RPGRIP1L: variants seen among roughly 807,000 people sequenced by gnomAD.
RPGRIP1L encodes protein fantom.
Under a neutral mutation model 160.4 loss-of-function variants are expected in RPGRIP1L, and 131 were observed. That is an observed-to-expected ratio of 0.82 (90% CI 0.71 to 0.94). RPGRIP1L has a LOEUF of 0.94. Among genes scored for constraint, RPGRIP1L ranks in the 40% least tolerant of loss-of-function variants. RPGRIP1L has a pLI of 0.00. For synonymous variants in RPGRIP1L, 510 were observed against 515.8 expected (o/e 0.99, Z 0.15); for missense variants, 1,522 against 1,535.8 (o/e 0.99, Z 0.15).
chr16:53,639,444 A>G (rs1258491448), intron 19 of RPGRIP1L, among the ~76,000 whole-genome samples: 1 of 152,116 alleles, frequency 6.6e-6, no homozygotes, highest in Admixed American at 6.5e-5. Context: ...TTAGAAAAAC[A>G]TAATTTTAAA....
intron 10 of RPGRIP1L, chr16:53,659,174 C>T (rs1567849935): frequency 1.1e-6 from 1 of 915,110 alleles, no homozygotes. Flanking sequence ...ATTTAAAATA[C>T]CTGAGAAAAT....
chr16:53,648,942 T>A, intron 16 of RPGRIP1L, 22 bp downstream of exon 16: 1 of 1,606,208 alleles, frequency 6.2e-7, no homozygotes, highest in Non-Finnish European at 8.5e-7. Context: ...CATAAAAGGG[T>A]CTTAAAGCCA....
chr16:53,648,848 A>G, intron 16 of RPGRIP1L, 116 bp downstream of exon 16: 1 of 934,402 alleles, frequency 1.1e-6, no homozygotes, highest in Admixed American at 2.1e-5. Context: ...TCAAAATAAA[A>G]GTTAAAAAAA....
chr16:53,638,760 C>G (rs1966005847), intron 19 of RPGRIP1L, among the ~76,000 whole-genome samples: 1 of 151,398 alleles, frequency 6.6e-6, no homozygotes, highest in Non-Finnish European at 1.5e-5. Context: ...ATGATGTAGA[C>G]CTGTGTTTAT....
intron 6 of RPGRIP1L, among the ~76,000 whole-genome samples, chr16:53,679,171 T>C (rs1049987910): frequency 4.6e-5 from 7 of 152,164 alleles, no homozygotes; most frequent in Admixed American, 2.0e-4. Context: ...GGTCAAACTA[T>C]AAATCAGAAC....
In RPGRIP1L at chr16:53,658,468, C is replaced by CAATAGAT. The variant is rs1197002297; in HGVS notation, c.1351-11_1351-5dup. On this transcript the variant is annotated splice_polypyrimidine_tract_variant and splice_region_variant and intron_variant, in intron 11 of 26. Coordinates refer to ENST00000647211, the MANE Select transcript of RPGRIP1L (RefSeq NM_015272.5). ...CATCAGCATTAATATCATTCTCCTG[C>CAATAGAT]AATAGATTAAGTAAAAGCTCACAAT... 1 of 1,602,748 alleles carries CAATAGAT rather than the reference C, an allele frequency of 6.2e-7. No individual in the cohort carries two copies. The highest frequency in any genetic ancestry group is 2.2e-5 in the East Asian group (1 of 44,682).
Position 53,695,490 on chromosome 16 carries a change from A to G in RPGRIP1L, c.230+661T>C, listed in dbSNP as rs1203426908. The G allele has an allele frequency of 1.3e-5, 9 of 700,826 alleles. No individual in the cohort carries two copies. The African/African-American group carries it at 1.4e-4, about 11-fold the overall frequency. The allele number at this position is 700,826 out of a possible 1,614,324, so 43.4% of individuals were successfully genotyped here. A position where few individuals can be genotyped will look rare whatever the true frequency, so the allele number is the denominator to read the frequency against. On this transcript the variant is annotated intron_variant, in intron 3 of 26. Coordinates refer to ENST00000647211, the MANE Select transcript of RPGRIP1L (RefSeq NM_015272.5). ...CATAAATATGAATACAGACCTGCTC[A>G]TGATTACACATCTGAACACACTTTG...
chr16:53,656,322 A>T (rs1267656433), intron 14 of RPGRIP1L, 150 bp downstream of exon 14: 10 of 745,800 alleles, frequency 1.3e-5, no homozygotes, highest in Non-Finnish European at 2.5e-5. Context: ...GCTGGAACCC[A>T]GGAGGTCAAA....
intron 9 of RPGRIP1L, among the ~76,000 whole-genome samples, chr16:53,666,229 G>T (rs1968234774): frequency 6.6e-6 from 1 of 152,034 alleles, no homozygotes; most frequent in Non-Finnish European, 1.5e-5. Flanking sequence ...TTCACATTTT[G>T]AATATTTTAC....
intron 22 of RPGRIP1L, among the ~76,000 whole-genome samples, chr16:53,626,790 G>C (rs1179667565): frequency 7.0e-6 from 1 of 142,582 alleles, no homozygotes; most frequent in East Asian, 2.1e-4. Flanking sequence ...GGGTGACAGA[G>C]TGAGACCCTG....
In RPGRIP1L at chr16:53,598,258, G is replaced by A. The variant is rs1390495461; in HGVS notation, c.*3818C>T. The A allele has an allele frequency of 6.6e-6, 1 of 152,168 alleles. No individual in the cohort carries two copies. Among genetic ancestry groups the A allele is most frequent in the Non-Finnish European group, 1.5e-5 (1 of 68,034 alleles). 9.4% of individuals were successfully genotyped at this position (152,168 alleles called of 1,614,324 possible). A position where few individuals can be genotyped will look rare whatever the true frequency, so the allele number is the denominator to read the frequency against. On this transcript the variant is annotated 3_prime_UTR_variant, in exon 27 of 27. Transcript: ENST00000647211. ...TGAAAAAGGTGACTCTCAATAGAGTGAGAAGAGGCAAAAAGCAGAAAAGTC... is the reference window on the plus strand; with the variant it reads ...TGAAAAAGGTGACTCTCAATAGAGTAAGAAGAGGCAAAAAGCAGAAAAGTC...
intron 7 of RPGRIP1L, 64 bp downstream of exon 7, chr16:53,674,953 T>G (rs531240010): frequency 9.0e-7 from 1 of 1,114,660 alleles, no homozygotes; most frequent in Non-Finnish European, 1.3e-6. Context: ...AAAAACAACT[T>G]GAATACTACT....
At chr16:53,648,078 T>C (rs1261365623) in intron 16 of RPGRIP1L, among the ~76,000 whole-genome samples, 1 of 121,430 alleles carries the variant, frequency 8.2e-6, no homozygotes, top group African/African-American at 3.3e-5. Context: ...CACTCCAGCC[T>C]GGGTGACAGA....
intron 21 of RPGRIP1L, among the ~76,000 whole-genome samples, chr16:53,636,941 G>GAC (rs34373919): frequency 0.037 from 5,207 of 142,126 alleles, 90 homozygotes; most frequent in Non-Finnish European, 0.046. Flanking sequence ...TGCAATATTT[G>GAC]ACACACACAC....
chr16:53,694,502 CTATT>C (rs1478723139), intron 3 of RPGRIP1L: 1 of 147,186 alleles, frequency 6.8e-6, no homozygotes, highest in African/African-American at 2.5e-5. Context: ...AGAAAATAAA[CTATT>C]TACTTTTTTG....
chr16:53,692,901 G>A (rs1307792326), intron 3 of RPGRIP1L, among the ~76,000 whole-genome samples: 1 of 152,142 alleles, frequency 6.6e-6, no homozygotes, highest in East Asian at 1.9e-4. Context: ...AAACCAAAAT[G>A]CACCAATAAA....
chr16:53,695,278 T>C (rs1284943254), intron 3 of RPGRIP1L: 1 of 690,762 alleles, frequency 1.4e-6, no homozygotes, highest in Non-Finnish European at 2.6e-6. Flanking sequence ...TCACAAATCT[T>C]GAAAACAGCC....
chr16:53,639,348 T>C (rs1280717373), intron 19 of RPGRIP1L, among the ~76,000 whole-genome samples: 2 of 151,996 alleles, frequency 1.3e-5, no homozygotes, highest in South Asian at 2.1e-4. Flanking sequence ...GGTTACACAA[T>C]AATAACTGCA....
intron 24 of RPGRIP1L, among the ~76,000 whole-genome samples, chr16:53,613,906 A>G (rs74018104): frequency 0.012 from 1,790 of 152,310 alleles, 14 homozygotes; most frequent in Middle Eastern, 0.068. Flanking sequence ...AAGACCACCT[A>G]CTTAGAATGT....
Sources: gnomAD v4.1 joint callset for allele counts (sites outside exome capture counted in the v4.1 genomes callset) on GRCh38, gnomAD v4.1.1 for gene constraint, MANE v1.5 for transcripts, NCBI Gene and HGNC (gene_info 2026-07-23, HGNC 2026-07-21) for gene names.